Variants in CPXM2 observed in about 807,000 individuals in gnomAD.
The protein encoded by CPXM2 is carboxypeptidase X, M14 family member 2, also known as inactive carboxypeptidase-like protein X2.
A neutral mutation model predicts 86.1 loss-of-function variants in CPXM2; 66 were observed. That is an observed-to-expected ratio of 0.77 (90% CI 0.63 to 0.94). The LOEUF is 0.94. Among genes scored for constraint, CPXM2 ranks in the 40% least tolerant of loss-of-function variants. The pLI is 0.00. For synonymous variants in CPXM2, 388 were observed against 400.2 expected (o/e 0.97, Z 0.36); for missense variants, 948 against 1,026.3 (o/e 0.92, Z 1.04).
At chr10:123,910,307 T>C (rs189537342) in intron 2 of CPXM2, among the ~76,000 whole-genome samples, 70 of 152,308 alleles carry the variant, frequency 4.6e-4, no homozygotes, top group Non-Finnish European at 9.1e-4. Flanking sequence ...GAATCAGTTC[T>C]GTGCATTTGC....
At chr10:123,884,713 C>T (rs940039952) in intron 1 of CPXM2, among the ~76,000 whole-genome samples, 19 of 151,286 alleles carry the variant, frequency 1.3e-4, no homozygotes, top group African/African-American at 1.9e-4. Flanking sequence ...TCCCATGGCC[C>T]ATCTCTCTCT....
intron 6 of CPXM2, among the ~76,000 whole-genome samples, chr10:123,796,399 CG>C (rs1360011231): frequency 1.3e-5 from 2 of 152,030 alleles, no homozygotes; most frequent in African/African-American, 4.8e-5. Flanking sequence ...ATTTTTTCCA[CG>C]GGCTAGGGGA....
At chr10:123,872,522 G>T (rs552828894) in intron 2 of CPXM2, among the ~76,000 whole-genome samples, 1 of 152,222 alleles carries the variant, frequency 6.6e-6, no homozygotes, top group African/African-American at 2.4e-5. Flanking sequence ...CAGGAGTAAT[G>T]GTTACTGGCT....
At chr10:123,901,296 C>T (rs1320229615) in intron 2 of CPXM2, among the ~76,000 whole-genome samples, 1 of 152,174 alleles carries the variant, frequency 6.6e-6, no homozygotes, top group Non-Finnish European at 1.5e-5. Context: ...CGTTCCTTCA[C>T]ACCTGGGCTT....
intron 3 of CPXM2, among the ~76,000 whole-genome samples, chr10:123,852,282 G>C (rs1205486990): frequency 1.3e-5 from 2 of 152,066 alleles, no homozygotes; most frequent in Admixed American, 1.3e-4. Context: ...TAGATTACTA[G>C]ATTATCAGAG....
chr10:123,882,681 A>G (rs1945111451), intron 1 of CPXM2, among the ~76,000 whole-genome samples: 1 of 152,096 alleles, frequency 6.6e-6, no homozygotes, highest in Admixed American at 6.5e-5. Context: ...CCTCCATGGA[A>G]CAGGCAGTGA....
At position 123,937,726 on chromosome 10, in the gene CPXM2, A is replaced by G. The variant is rs186986335; in HGVS notation, n.174+1751T>C. On this transcript the variant is annotated intron_variant and non_coding_transcript_variant, in intron 2 of 19. Transcript: ENST00000368854. ...TGAGAAGGGAAACAAGATTTTTGAA[A>G]GAAAAAAGCCCCAGGCAACTTTTAT... 2.6e-5 allele frequency among the ~76,000 whole-genome samples: 4 copies of G among 152,292 alleles called. No homozygotes were observed. The East Asian group carries it at 7.7e-4, about 29-fold the overall frequency.
upstream of CPXM2, among the ~76,000 whole-genome samples, chr10:123,893,427 C>T (rs1448509315): frequency 6.6e-6 from 1 of 152,194 alleles, no homozygotes. Flanking sequence ...ACCAGGCCAT[C>T]TTTTAGGGCC....
rs1298522169 is a variant in CPXM2, at chr10:123,814,440, G to A, written c.654-15241C>T. Among the ~76,000 whole-genome samples the A allele has an allele frequency of 2.6e-5, 4 of 152,134 alleles. No homozygotes were observed. In the East Asian group the frequency reaches 7.7e-4, roughly 29 times the overall value. Reference sequence around the variant, plus strand: ...ACTGGCTTTCCTTGATCCTCAGCTTGCAGACGGCCTATTGTGGGACACTGT... The same window carrying A: ...ACTGGCTTTCCTTGATCCTCAGCTTACAGACGGCCTATTGTGGGACACTGT... On this transcript the variant is annotated intron_variant, in intron 4 of 13. Coordinates refer to ENST00000241305, the MANE Select transcript of CPXM2 (RefSeq NM_198148.3).
rs142145252 is a variant in CPXM2, at chr10:123,935,320, A to G, written n.174+4157T>C. On this transcript the variant is annotated intron_variant and non_coding_transcript_variant, in intron 2 of 19. Coordinates refer to the CPXM2 transcript ENST00000368854. ...AAACCTTAAGCTGGTAGCATTTTCA[A>G]TTGCGGCGGGGGTCAAGCAGAGGTG... Among the ~76,000 whole-genome samples the G allele has an allele frequency of 3.7e-3, 567 of 152,256 alleles. 2 individuals carry two copies. The highest frequency in any genetic ancestry group is 0.013 in the African/African-American group (541 of 41,542).
intron 2 of CPXM2, among the ~76,000 whole-genome samples, chr10:123,874,371 C>A (rs958065125): frequency 1.4e-5 from 2 of 146,784 alleles, no homozygotes; most frequent in South Asian, 2.1e-4. Flanking sequence ...TCACCACCCC[C>A]CGCCCCAACC....
intron 3 of CPXM2, among the ~76,000 whole-genome samples, chr10:123,848,251 T>C (rs932608708): frequency 1.3e-5 from 2 of 152,236 alleles, no homozygotes; most frequent in Non-Finnish European, 2.9e-5. Context: ...AATAAACCTC[T>C]GTAATAAACC....
intron 4 of CPXM2, among the ~76,000 whole-genome samples, chr10:123,800,028 G>GTTT (rs530876054): frequency 1.2e-4 from 13 of 109,588 alleles, no homozygotes; most frequent in East Asian, 2.7e-4. Context: ...TAGTTTTTTG[G>GTTT]TTTTTTTTTT....
intron 2 of CPXM2, among the ~76,000 whole-genome samples, chr10:123,916,410 G>C (rs1945533856): frequency 6.6e-6 from 1 of 152,144 alleles, no homozygotes; most frequent in Non-Finnish European, 1.5e-5. Flanking sequence ...GAGAAAACCA[G>C]AGCCATCAAG....
chr10:123,863,278 T>C (rs1219851421), intron 2 of CPXM2, among the ~76,000 whole-genome samples: 1 of 152,048 alleles, frequency 6.6e-6, no homozygotes, highest in Non-Finnish European at 1.5e-5. Context: ...CCAGAAGGGG[T>C]CTCCTGACCT....
intron 2 of CPXM2, among the ~76,000 whole-genome samples, chr10:123,924,161 C>T (rs147515569): frequency 1.8e-4 from 28 of 152,328 alleles, no homozygotes; most frequent in African/African-American, 6.7e-4. Context: ...AGCAGCTCAC[C>T]AAATCTCCAG....
chr10:123,751,210 A>T lies in CPXM2; in HGVS notation c.2017+3453T>A, dbSNP rs543835124. 1.3e-5 allele frequency: 3 copies of T among 239,134 alleles called. No homozygotes were observed. The South Asian group carries it at 4.6e-4, about 37-fold the overall frequency. 14.8% of individuals were successfully genotyped at this position (239,134 alleles called of 1,614,324 possible). A position where few individuals can be genotyped will look rare whatever the true frequency, so the allele number is the denominator to read the frequency against. On this transcript the variant is annotated intron_variant, in intron 13 of 13. Transcript: ENST00000241305. The stretch of plus-strand genomic sequence containing the variant: ...AGAGTGCAGCACCCATAAGCCAGAG[A>T]TGTTTGTATTTATTTAGTACAGATT...
intron 3 of CPXM2, among the ~76,000 whole-genome samples, chr10:123,854,395 TTA>T (rs1172976597): frequency 3.1e-4 from 36 of 116,748 alleles, no homozygotes; most frequent in East Asian, 1.3e-3. Flanking sequence ...AATATATATA[TTA>T]TATATATATT....
chr10:123,934,841 C>G (rs1398383364), intron 2 of CPXM2, among the ~76,000 whole-genome samples: 1 of 152,192 alleles, frequency 6.6e-6, no homozygotes, highest in Non-Finnish European at 1.5e-5. Flanking sequence ...ACCTGTGCCT[C>G]CCACTAGCTG....
Sources: gnomAD v4.1 joint callset for allele counts (sites outside exome capture counted in the v4.1 genomes callset) on GRCh38, gnomAD v4.1.1 for gene constraint, MANE v1.5 for transcripts, NCBI Gene and HGNC (gene_info 2026-07-23, HGNC 2026-07-21) for gene names.